The following OR6N1 variants were observed in gnomAD, a reference collection of about 807,000 sequenced individuals.
OR6N1 encodes olfactory receptor family 6 subfamily N member 1, also known as olfactory receptor 6N1.
For synonymous variants in OR6N1, 170 were observed against 150.7 expected (o/e 1.13, Z -0.94); for missense variants, 394 against 371.7 (o/e 1.06, Z -0.49).
At chr1:158,823,687 T>C in the OR6N1 span, among the ~76,000 whole-genome samples, 2 of 152,110 alleles carry the variant, frequency 1.3e-5, no homozygotes, top group African/African-American at 4.8e-5. Flanking sequence ...ATCTTTCATA[T>C]GGTTTTTTGT....
the OR6N1 span, among the ~76,000 whole-genome samples, chr1:158,783,877 C>T: frequency 1.3e-5 from 2 of 152,142 alleles, no homozygotes; most frequent in African/African-American, 4.8e-5. Context: ...GATGCCAAGG[C>T]AGGTGGATCA....
the OR6N1 span, chr1:158,781,050 A>G: frequency 6.6e-6 from 1 of 152,218 alleles, no homozygotes; most frequent in African/African-American, 2.4e-5. Context: ...TGCTTAACTC[A>G]CATTTTCACT....
the OR6N1 span, among the ~76,000 whole-genome samples, chr1:158,819,187 C>T: frequency 2.6e-5 from 4 of 152,164 alleles, no homozygotes; most frequent in Non-Finnish European, 5.9e-5. Flanking sequence ...CAGTTTTCTC[C>T]TCTTTCTCGC....
the OR6N1 span, among the ~76,000 whole-genome samples, chr1:158,836,482 A>G: frequency 6.6e-6 from 1 of 151,906 alleles, no homozygotes; most frequent in African/African-American, 2.4e-5. Flanking sequence ...TAATTTATCC[A>G]TTTATCCATT....
chr1:158,782,988 T>C, the OR6N1 span, among the ~76,000 whole-genome samples: 26 of 152,230 alleles, frequency 1.7e-4, no homozygotes, highest in Admixed American at 1.6e-3. Flanking sequence ...CTCCTACCCA[T>C]CATACTCTTT....
At chr1:158,802,191 T>G in the OR6N1 span, among the ~76,000 whole-genome samples, 2 of 144,982 alleles carry the variant, frequency 1.4e-5, no homozygotes, top group Non-Finnish European at 3.0e-5. Flanking sequence ...TGCAAGTCCC[T>G]CATAGCACTT....
chr1:158,815,952 G>A, the OR6N1 span, among the ~76,000 whole-genome samples: 1 of 151,820 alleles, frequency 6.6e-6, no homozygotes, highest in South Asian at 2.1e-4. Context: ...TCAGGAGATC[G>A]AGACCATCCT....
chr1:158,812,639 A>G, the OR6N1 span, among the ~76,000 whole-genome samples: 1 of 152,250 alleles, frequency 6.6e-6, no homozygotes, highest in African/African-American at 2.4e-5. Flanking sequence ...AGCCTACATT[A>G]TGAGAAATGA....
chr1:158,785,199 G>C, the OR6N1 span, among the ~76,000 whole-genome samples: 2 of 152,094 alleles, frequency 1.3e-5, no homozygotes, highest in South Asian at 2.1e-4. Context: ...CACAGTACTT[G>C]CTTTTTTTGT....
At chr1:158,808,162 G>A in the OR6N1 span, among the ~76,000 whole-genome samples, 10 of 111,904 alleles carry the variant, frequency 8.9e-5, no homozygotes, top group African/African-American at 2.8e-4. Context: ...TTTTAAGACG[G>A]AGTCTTGCTC....
the OR6N1 span, among the ~76,000 whole-genome samples, chr1:158,801,903 G>C: frequency 6.6e-6 from 1 of 152,022 alleles, no homozygotes; most frequent in African/African-American, 2.4e-5. Flanking sequence ...GATGACATTA[G>C]AATTTACAAC....
At chr1:158,805,629 T>C in the OR6N1 span, among the ~76,000 whole-genome samples, 2 of 152,044 alleles carry the variant, frequency 1.3e-5, no homozygotes, top group Admixed American at 6.6e-5. Context: ...CTGAACTTTA[T>C]GTTCTAAAGG....
the OR6N1 span, among the ~76,000 whole-genome samples, chr1:158,802,758 T>G: frequency 6.6e-6 from 1 of 152,242 alleles, no homozygotes; most frequent in Admixed American, 6.5e-5. Context: ...TACACTTGTC[T>G]AAGTCTCCAT....
At chr1:158,807,680 C>T in the OR6N1 span, among the ~76,000 whole-genome samples, 1 of 152,148 alleles carries the variant, frequency 6.6e-6, no homozygotes, top group South Asian at 2.1e-4. Context: ...ATTTTAGACT[C>T]CTTTTTGCCA....
At chr1:158,808,121 C>CT in the OR6N1 span, among the ~76,000 whole-genome samples, 473 of 39,584 alleles carry the variant, frequency 0.012, 33 homozygotes, top group Non-Finnish European at 0.016. Flanking sequence ...CAATGACTGC[C>CT]TTTTTTTTTT....
chr1:158,825,217 A>T, the OR6N1 span, among the ~76,000 whole-genome samples: 312 of 152,154 alleles, frequency 2.1e-3, no homozygotes, highest in Non-Finnish European at 3.6e-3. Context: ...AGGTGGGTGG[A>T]TCACGAGGCC....
the OR6N1 span, among the ~76,000 whole-genome samples, chr1:158,822,425 G>A: frequency 7.2e-5 from 11 of 152,228 alleles, no homozygotes; most frequent in African/African-American, 2.6e-4. Context: ...CACTTCCCTG[G>A]TTCACTGTAT....
chr1:158,831,965 A>C, the OR6N1 span, among the ~76,000 whole-genome samples: 486 of 152,272 alleles, frequency 3.2e-3, 4 homozygotes, highest in African/African-American at 0.01. Flanking sequence ...AATCTCTATT[A>C]TATGATTTTA....
the OR6N1 span, among the ~76,000 whole-genome samples, chr1:158,833,366 G>A: frequency 6.6e-6 from 1 of 152,110 alleles, no homozygotes; most frequent in Admixed American, 6.6e-5. Context: ...ATCTTAATCA[G>A]CTTCAAGTGT....
Sources: gnomAD v4.1 joint callset for allele counts (sites outside exome capture counted in the v4.1 genomes callset) on GRCh38, gnomAD v4.1.1 for gene constraint, MANE v1.5 for transcripts, NCBI Gene and HGNC (gene_info 2026-07-23, HGNC 2026-07-21) for gene names.